Variants in EXPH5 observed in about 807,000 individuals in gnomAD.
EXPH5 encodes the protein exophilin 5, also known as exophilin-5.
In EXPH5, 42 loss-of-function variants were observed where a neutral mutation model predicts 41.1. The ratio of observed to expected loss-of-function variants is 1.02; its 90% CI spans 0.80 to 1.32. The LOEUF is 1.32. Among genes scored for constraint, EXPH5 ranks in the 40% most tolerant of loss-of-function variants. EXPH5 has a pLI of 0.00. For missense variants in EXPH5, 2,298 were observed against 2,314.5 expected (o/e 0.99, Z 0.15); for synonymous variants, 798 against 833.5 (o/e 0.96, Z 0.73).
chr11:108,605,481 C>T, the EXPH5 span, among the ~76,000 whole-genome samples: 2 of 152,154 alleles, frequency 1.3e-5, no homozygotes, highest in Non-Finnish European at 1.5e-5. Context: ...TCACTGTCAC[C>T]TGTGGGAGGA....
chr11:108,574,413 G>T (rs547688797), intron 1 of EXPH5, among the ~76,000 whole-genome samples: 1 of 151,612 alleles, frequency 6.6e-6, no homozygotes, highest in East Asian at 1.9e-4. Flanking sequence ...AGGTACATTT[G>T]GCTACATAAA....
At chr11:108,519,950 CAAAAAAAAAAAA>C (rs71050861) in intron 4 of EXPH5, among the ~76,000 whole-genome samples, 5 of 62,064 alleles carry the variant, frequency 8.1e-5, no homozygotes, top group Admixed American at 2.3e-4. Context: ...GACTCTGTCT[CAAAAAAAAAAAA>C]AAAAAAAAAA....
intron 3 of EXPH5, among the ~76,000 whole-genome samples, chr11:108,532,769 G>A (rs772416722): frequency 7.2e-5 from 11 of 152,116 alleles, no homozygotes; most frequent in Non-Finnish European, 1.3e-4. Context: ...ACATTTTGTT[G>A]TTTTGCCTAA....
At position 108,511,253 on chromosome 11, in the gene EXPH5, A is replaced by G. The variant is rs973974276; in HGVS notation, c.4254T>C (p.Asn1418=). Residue 1418 remains asparagine (N), a synonymous_variant, in exon 6 of 6, where the codon AAT becomes AAC. Transcript: ENST00000265843. ...EKSENCQQSI[N]SSNSGPSSLP... is the part of the protein sequence containing the mutation. ...GACTAGAGGGACCACTGTTACTTGA[A>G]TTAATGGATTGTTGACAATTTTCAG... 11 of 1,606,764 alleles carry G rather than the reference A, an allele frequency of 6.8e-6. No individual in the cohort carries two copies. Among genetic ancestry groups the G allele is most frequent in the Non-Finnish European group, 9.3e-6 (11 of 1,178,438 alleles).
At chr11:108,601,654 T>G in the EXPH5 span, among the ~76,000 whole-genome samples, 1 of 152,186 alleles carries the variant, frequency 6.6e-6, no homozygotes, top group Non-Finnish European at 1.5e-5. Context: ...ATTGTAAGTA[T>G]TTGAATATGA....
At chr11:108,596,120 G>A (rs1332136953), upstream of EXPH5, among the ~76,000 whole-genome samples, 1 of 151,276 alleles carries the variant, frequency 6.6e-6, no homozygotes, top group Non-Finnish European at 1.5e-5. Context: ...GCTTGAACCC[G>A]GGAGGCGGAG....
chr11:108,588,865 G>C (rs1275062752), intron 1 of EXPH5, among the ~76,000 whole-genome samples: 1 of 152,118 alleles, frequency 6.6e-6, no homozygotes, highest in Non-Finnish European at 1.5e-5. Flanking sequence ...TTGCCTGTGG[G>C]GACAAATCCA....
chr11:108,539,056 C>A lies in EXPH5; in HGVS notation c.411G>T (p.Glu137Asp). Residue 137 changes from glutamate (E) to aspartate (D), a missense_variant, in exon 3 of 6, where the codon GAG becomes GAT. Physicochemically the swap from Glu to Asp is conservative, Grantham distance 45. Coordinates refer to ENST00000265843, the MANE Select transcript of EXPH5 (RefSeq NM_015065.3). ...GTCCCAGTGATGGAAGCTTTGAAGT[C>A]TCCTTTCCAGATTTCCTGAATGAGA... Reference protein sequence around the residue: ...SLFSFRKSGKETSKLPSLGQK... With the variant: ...SLFSFRKSGKDTSKLPSLGQK... The A allele has an allele frequency of 6.2e-7, 1 of 1,605,526 alleles. No individual in the cohort carries two copies. Among genetic ancestry groups the A allele is most frequent in the Non-Finnish European group, 8.5e-7 (1 of 1,175,270 alleles).
rs780946183 is a variant in EXPH5 at position 108,510,650 on chromosome 11, G to C, written c.4857C>G (p.Ile1619Met). 2 of 1,614,098 alleles carry C rather than the reference G, an allele frequency of 1.2e-6. No homozygotes were observed. Among genetic ancestry groups the C allele is most frequent in the Non-Finnish European group, 1.7e-6 (2 of 1,180,046 alleles). The change falls in exon 6 of 6, where the codon ATC becomes ATG. Residue 1619 changes from isoleucine to methionine, a missense_variant. Ile to Met is a conservative substitution (Grantham distance 10). Coordinates refer to ENST00000265843, the MANE Select transcript of EXPH5 (RefSeq NM_015065.3). The stretch of plus-strand genomic sequence containing the variant: ...CAGATCTGCTTCCACTTTGGGGGAA[G>C]ATAGTAGCTACATGTCTTCTGGGGC... ...DVSPRRHVAT[I>M]FPQSGSRSGF...
At chr11:108,548,194 T>A (rs1394065834) in intron 1 of EXPH5, among the ~76,000 whole-genome samples, 1 of 151,026 alleles carries the variant, frequency 6.6e-6, no homozygotes, top group Non-Finnish European at 1.5e-5. Flanking sequence ...AACCAGCTCA[T>A]TTTTCTTATG....
chr11:108,509,753 G>T lies in EXPH5; in HGVS notation c.5754C>A (p.Asn1918Lys), dbSNP rs1419736728. The change falls in exon 6 of 6, where the codon AAC (asparagine) becomes AAA (lysine). Residue 1918 changes from asparagine to lysine, a missense_variant. Transcript: ENST00000265843. ...GRLWKPSFLK[N>K]PGFLKDDLRN... ...TCAAATCATCTTTTAGGAAGCCAGG[G>T]TTCTTAAGAAAACTTGGTTTCCATA... The T allele has an allele frequency of 6.2e-7, 1 of 1,607,260 alleles. No individual in the cohort carries two copies. Among genetic ancestry groups the T allele is most frequent in the Non-Finnish European group, 8.5e-7 (1 of 1,178,100 alleles).
At position 108,509,038 on chromosome 11, in the gene EXPH5, T is replaced by A. The variant is rs1189020017; in HGVS notation, c.*499A>T. 6.6e-6 allele frequency: 1 copy of A among 152,464 alleles called. No individual in the cohort carries two copies. The highest frequency in any genetic ancestry group is 2.4e-5 in the African/African-American group (1 of 41,464). The allele number at this position is 152,464 out of a possible 1,614,324, so 9.4% of individuals were successfully genotyped here. A position where few individuals can be genotyped will look rare whatever the true frequency, so the allele number is the denominator to read the frequency against. On this transcript the variant is annotated 3_prime_UTR_variant, in exon 6 of 6. Transcript: ENST00000265843. ...TCACCACCTTAAACTTCCTAAATGT[T>A]CATGAGTCAAACAGGATGATAATAT...
chr11:108,582,211 C>T (rs1456704609), intron 1 of EXPH5, among the ~76,000 whole-genome samples: 4 of 152,206 alleles, frequency 2.6e-5, no homozygotes, highest in Non-Finnish European at 5.9e-5. Context: ...TGGCTGTAAT[C>T]CCAGCACTTT....
rs2093677546 is a variant in EXPH5, at chr11:108,511,124, C to T, written c.4383G>A (p.Lys1461=). The change falls in exon 6 of 6, where the codon AAG becomes AAA. Residue 1461 remains lysine (K), a synonymous_variant. Transcript: ENST00000265843. ...GRAIPFTGSG[K]CPQKDHTSTA... ...TGGATGTGTGATCTTTCTGGGGACA[C>T]TTGCCACTTCCAGTAAATGGAATGG... 1 of 1,613,868 alleles carries T rather than the reference C, an allele frequency of 6.2e-7. No homozygotes were observed. The highest frequency in any genetic ancestry group is 8.5e-7 in the Non-Finnish European group (1 of 1,179,894).
intron 1 of EXPH5, among the ~76,000 whole-genome samples, chr11:108,578,642 T>C (rs2846416): frequency 0.42 from 63,818 of 152,104 alleles, 14,395 homozygotes; most frequent in Admixed American, 0.49. Flanking sequence ...ATTTAAACAA[T>C]ACTAATTCTT....
At chr11:108,601,882 G>A in the EXPH5 span, among the ~76,000 whole-genome samples, 1 of 152,106 alleles carries the variant, frequency 6.6e-6, no homozygotes, top group Non-Finnish European at 1.5e-5. Context: ...CCACGTCGCT[G>A]GGTCTACAGG....
At chr11:108,526,580 G>A (rs2093800784) in intron 4 of EXPH5, among the ~76,000 whole-genome samples, 1 of 152,344 alleles carries the variant, frequency 6.6e-6, no homozygotes, top group South Asian at 2.1e-4. Flanking sequence ...TCCTCTCAGA[G>A]GGCAAAGCTG....
At chr11:108,544,388 A>T (rs997225599) in intron 1 of EXPH5, among the ~76,000 whole-genome samples, 1 of 152,096 alleles carries the variant, frequency 6.6e-6, no homozygotes, top group Non-Finnish European at 1.5e-5. Context: ...GGCTTGCCTT[A>T]AACTCCTGGC....
At chr11:108,514,908 T>G (rs778730240) in intron 5 of EXPH5, 33 bp from the exon 6 acceptor site, 1 of 1,361,434 alleles carries the variant, frequency 7.3e-7, no homozygotes, top group Non-Finnish European at 9.6e-7. Context: ...CCTTTTTCTG[T>G]ATGTTTTTAC....
Sources: allele counts gnomAD v4.1 joint callset (sites outside exome capture counted in the v4.1 genomes callset), GRCh38; gene constraint gnomAD v4.1.1; transcripts MANE v1.5; gene names NCBI Gene and HGNC (gene_info 2026-07-23, HGNC 2026-07-21).